UBAP2: variants seen among roughly 807,000 people sequenced by gnomAD.
The protein encoded by UBAP2 is ubiquitin associated protein 2, also known as ubiquitin-associated protein 2.
UBAP2 carries 75 observed loss-of-function variants against 139.6 expected under a neutral mutation model. That is an observed-to-expected ratio of 0.54 (90% confidence interval 0.45 to 0.65). The LOEUF is 0.65. Ranked by LOEUF, UBAP2 falls within the 30% of genes least tolerant of loss-of-function variation. UBAP2 has a pLI of 0.00. For synonymous variants in UBAP2, 526 were observed against 526.2 expected (o/e 1.00, Z 0.01); for missense variants, 1,368 against 1,369.6 (o/e 1.00, Z 0.02).
At chr9:34,048,417 G>T (rs1023749940) in intron 1 of UBAP2, among the ~76,000 whole-genome samples, 1 of 151,126 alleles carries the variant, frequency 6.6e-6, no homozygotes, top group South Asian at 2.1e-4. Context: ...GACTAGCTAC[G>T]GGCGTGAAAG....
chr9:34,006,184 A>T (rs2131226349), intron 2 of UBAP2, among the ~76,000 whole-genome samples: 1 of 151,688 alleles, frequency 6.6e-6, no homozygotes, highest in African/African-American at 2.4e-5. Context: ...CAGTGAGCCG[A>T]GATCGCACCA....
At chr9:34,017,295 T>A (rs1389957702) in intron 1 of UBAP2, 106 bp from the exon 2 acceptor site, 3 of 488,310 alleles carry the variant, frequency 6.1e-6, no homozygotes, top group Non-Finnish European at 1.0e-5. Flanking sequence ...CTCTCTGGAA[T>A]ACAAATTCTC....
At chr9:33,938,180 G>A (rs1416259024) in intron 16 of UBAP2, among the ~76,000 whole-genome samples, 2 of 151,958 alleles carry the variant, frequency 1.3e-5, no homozygotes, top group African/African-American at 4.8e-5. Flanking sequence ...TATTTGTAGA[G>A]GCAGGGTCTC....
At chr9:33,950,474 A>C (rs1826007052) in intron 12 of UBAP2, among the ~76,000 whole-genome samples, 1 of 152,266 alleles carries the variant, frequency 6.6e-6, no homozygotes, top group Non-Finnish European at 1.5e-5. Flanking sequence ...AAAGACAAGG[A>C]ATGTCCCACT....
intron 12 of UBAP2, among the ~76,000 whole-genome samples, chr9:33,949,581 C>T (rs1363050040): frequency 6.6e-6 from 1 of 152,020 alleles, no homozygotes; most frequent in African/African-American, 2.4e-5. Flanking sequence ...TGAACGCCTG[C>T]AATCCCAGCT....
chr9:33,993,752 G>A (rs1457872009), intron 4 of UBAP2, among the ~76,000 whole-genome samples: 2 of 152,140 alleles, frequency 1.3e-5, no homozygotes, highest in African/African-American at 4.8e-5. Flanking sequence ...CTGAACAAGT[G>A]TATTCTTTCA....
intron 12 of UBAP2, among the ~76,000 whole-genome samples, chr9:33,951,503 C>T (rs1826106236): frequency 6.6e-6 from 1 of 151,852 alleles, no homozygotes; most frequent in Non-Finnish European, 1.5e-5. Context: ...CCCACCACTA[C>T]GCCTGGCTAA....
intron 8 of UBAP2, among the ~76,000 whole-genome samples, chr9:33,969,286 G>A (rs1317768723): frequency 1.3e-5 from 2 of 152,142 alleles, no homozygotes; most frequent in African/African-American, 4.8e-5. Flanking sequence ...TGGGCATGGT[G>A]GCTCATGTCA....
At chr9:33,970,843 C>T (rs924630403) in intron 8 of UBAP2, among the ~76,000 whole-genome samples, 2 of 152,216 alleles carry the variant, frequency 1.3e-5, no homozygotes, top group Non-Finnish European at 2.9e-5. Flanking sequence ...CGCTCTGTTG[C>T]CCAGGCTGGA....
intron 4 of UBAP2, chr9:33,995,054 A>G (rs1822034938): frequency 6.6e-6 from 1 of 152,006 alleles, no homozygotes; most frequent in South Asian, 2.1e-4. Flanking sequence ...TAGTTTCCTC[A>G]ATTTAAGAAA....
chr9:33,938,839 C>T (rs1023042315), intron 16 of UBAP2: 2 of 416,270 alleles, frequency 4.8e-6, no homozygotes, highest in Non-Finnish European at 9.3e-6. Flanking sequence ...TTCCATAGTT[C>T]ACATGGTTTT....
intron 4 of UBAP2, chr9:33,995,498 TA>T (rs1822105832): frequency 7.6e-6 from 1 of 130,760 alleles, no homozygotes; most frequent in Non-Finnish European, 1.6e-5. Context: ...TTATTAAATA[TA>T]TATATTTATA....
chr9:34,031,800 A>G (rs993783434), intron 1 of UBAP2, among the ~76,000 whole-genome samples: 4 of 151,832 alleles, frequency 2.6e-5, no homozygotes, highest in African/African-American at 4.8e-5. Context: ...AAAAAAAAAA[A>G]AAAGAAAGAA....
intron 2 of UBAP2, among the ~76,000 whole-genome samples, chr9:34,006,238 G>GA (rs796874509): frequency 0.06 from 4,939 of 81,880 alleles, 236 homozygotes; most frequent in African/African-American, 0.18. Flanking sequence ...ATCTCAAAAA[G>GA]AAAAAAAAAA....
chr9:33,966,893 T>C (rs1387061744), intron 8 of UBAP2, among the ~76,000 whole-genome samples: 1 of 152,114 alleles, frequency 6.6e-6, no homozygotes, highest in African/African-American at 2.4e-5. Context: ...TCAACAAATC[T>C]AATTTTTTTT....
intron 1 of UBAP2, among the ~76,000 whole-genome samples, chr9:34,037,075 G>A (rs1014075118): frequency 3.5e-5 from 5 of 140,870 alleles, no homozygotes; most frequent in East Asian, 2.1e-4. Flanking sequence ...TGCAACCTCC[G>A]ACTTCTGGGA....
chr9:34,043,780 C>A, intron 1 of UBAP2, among the ~76,000 whole-genome samples: 1 of 151,786 alleles, frequency 6.6e-6, no homozygotes, highest in East Asian at 1.9e-4. Flanking sequence ...ACGCAGGAGC[C>A]ATGGAGCCAG....
At position 33,998,877 on chromosome 9, in the gene UBAP2, T is replaced by C. The variant is rs757553798; in HGVS notation, c.100-13A>G. On this transcript the variant is annotated splice_polypyrimidine_tract_variant and intron_variant, in intron 2 of 28. Transcript: ENST00000379238. The stretch of plus-strand genomic sequence containing the variant: ...GTTCAGCTGTTGCCTGGAAAGTACA[T>C]ACAATTGTTAAGGATTTGAACACCA... 4 of 1,605,560 alleles carry C rather than the reference T, an allele frequency of 2.5e-6. No individual in the cohort carries two copies. The highest frequency in any genetic ancestry group is 1.7e-5 in the Admixed American group (1 of 59,366).
At chr9:34,003,236 G>A (rs562807669) in intron 2 of UBAP2, among the ~76,000 whole-genome samples, 9 of 151,736 alleles carry the variant, frequency 5.9e-5, no homozygotes, top group African/African-American at 2.2e-4. Flanking sequence ...TCACCATGTT[G>A]GTCAGGCTGG....
Sources: allele counts gnomAD v4.1 joint callset (sites outside exome capture counted in the v4.1 genomes callset), GRCh38; gene constraint gnomAD v4.1.1; transcripts MANE v1.5; gene names NCBI Gene and HGNC (gene_info 2026-07-23, HGNC 2026-07-21).